IGSF10: variants seen among roughly 807,000 people sequenced by gnomAD.
IGSF10 encodes the protein immunoglobulin superfamily member 10.
A neutral mutation model predicts 128.2 loss-of-function variants in IGSF10; 126 were observed. The ratio of observed to expected loss-of-function variants is 0.98; its 90% CI spans 0.85 to 1.14. The LOEUF (loss-of-function observed/expected upper bound fraction) is 1.14, where lower values mean the gene tolerates loss of function less well. Ranked by LOEUF, IGSF10 falls within the 50% of genes most tolerant of loss-of-function variation. The pLI is 0.00. For synonymous variants in IGSF10, 1,185 were observed against 1,146.2 expected, an observed-to-expected ratio of 1.03 and a Z score of -0.68; for missense variants, 3,295 against 3,149.8, an observed-to-expected ratio of 1.05 and a Z score of -1.10.
the IGSF10 span, among the ~76,000 whole-genome samples, chr3:151,538,103 G>A: frequency 4.6e-5 from 7 of 152,230 alleles, no homozygotes; most frequent in South Asian, 2.1e-4. Context: ...CAAACTTCAC[G>A]TTTAGTTAAG....
rs149524314 is a variant in IGSF10 at position 151,438,471 on chromosome 3, A to G, written c.6090T>C (p.His2030=). 54 of 1,614,016 alleles carry G rather than the reference A, an allele frequency of 3.3e-5. No individual in the cohort carries two copies. The African/African-American group carries it at 5.1e-4, about 15-fold the overall frequency. ...NKMGDDLILM[H]VSLRLKPAKI... ...TGGCAGGTTTCAGTCTTAGGCTAAC[A>G]TGCATCAGTATCAGATCATCCCCCA... Residue 2030 remains histidine (H), a synonymous_variant, in exon 8 of 8, where the codon CAT becomes CAC. Transcript: ENST00000282466.
At chr3:151,582,410 T>C in the IGSF10 span, among the ~76,000 whole-genome samples, 15 of 152,004 alleles carry the variant, frequency 9.9e-5, no homozygotes, top group African/African-American at 3.4e-4. Flanking sequence ...CTTCCAGTGA[T>C]TATTTTCACC....
At chr3:151,512,985 C>A in the IGSF10 span, among the ~76,000 whole-genome samples, 21 of 152,014 alleles carry the variant, frequency 1.4e-4, no homozygotes, top group East Asian at 4.1e-3. Context: ...GCTTACCAAC[C>A]AAAAAAAGTC....
chr3:151,539,476 A>C, the IGSF10 span, among the ~76,000 whole-genome samples: 1 of 152,172 alleles, frequency 6.6e-6, no homozygotes, highest in African/African-American at 2.4e-5. Context: ...GTTTCTACTT[A>C]AGGGTCTTTT....
the IGSF10 span, among the ~76,000 whole-genome samples, chr3:151,512,006 A>T: frequency 6.6e-6 from 1 of 152,262 alleles, no homozygotes; most frequent in South Asian, 2.1e-4. Flanking sequence ...CTCCCACACC[A>T]TAATAACGGG....
At chr3:151,544,415 G>A in the IGSF10 span, among the ~76,000 whole-genome samples, 3 of 152,018 alleles carry the variant, frequency 2.0e-5, no homozygotes, top group South Asian at 6.2e-4. Flanking sequence ...CTTTCTTTTG[G>A]TATAGCAACC....
intron 3 of IGSF10, 33 bp downstream of exon 3, chr3:151,458,483 C>G (rs1398993657): frequency 6.5e-7 from 1 of 1,549,194 alleles, no homozygotes; most frequent in East Asian, 2.3e-5. Context: ...ACTGATCCCT[C>G]TTTGAGAAGA....
the IGSF10 span, among the ~76,000 whole-genome samples, chr3:151,547,387 A>T: frequency 5.4e-5 from 8 of 148,738 alleles, no homozygotes; most frequent in South Asian, 8.6e-4. Flanking sequence ...CTTACTTTTG[A>T]CTCCTCTCCT....
At chr3:151,450,888 T>C (rs1168683703) in intron 5 of IGSF10, among the ~76,000 whole-genome samples, 6 of 90,330 alleles carry the variant, frequency 6.6e-5, no homozygotes, top group African/African-American at 3.2e-4. Flanking sequence ...AGAGCAAAAC[T>C]CTGTCTCAAA....
chr3:151,527,854 G>A, the IGSF10 span, among the ~76,000 whole-genome samples: 1 of 151,836 alleles, frequency 6.6e-6, no homozygotes, highest in African/African-American at 2.4e-5. Context: ...CTAGCAGACT[G>A]AGGTGGCAGG....
At chr3:151,507,206 A>AT in the IGSF10 span, among the ~76,000 whole-genome samples, 5 of 151,992 alleles carry the variant, frequency 3.3e-5, no homozygotes, top group Admixed American at 3.3e-4. Flanking sequence ...GAGGGGTTGG[A>AT]TCCTCCAGGT....
At position 151,438,083 on chromosome 3, in the gene IGSF10, C is replaced by A. The variant is rs141846864; in HGVS notation, c.6478G>T (p.Val2160Phe). The change falls in exon 8 of 8, where the codon GTC becomes TTC. Residue 2160 changes from valine to phenylalanine, a missense_variant. Transcript: ENST00000282466. Reference protein sequence around the residue: ...NKRIKAGDTAVLDCEVTGDPK... With the variant: ...NKRIKAGDTAFLDCEVTGDPK... ...TCCCCAGTGACCTCACAGTCAAGGA[C>A]AGCTGTGTCTCCAGCTTTGATTCTC... The A allele has an allele frequency of 6.2e-7, 1 of 1,614,226 alleles. No individual in the cohort carries two copies. Among genetic ancestry groups the A allele is most frequent in the Non-Finnish European group, 8.5e-7 (1 of 1,180,044 alleles).
At chr3:151,614,031 A>C in the IGSF10 span, among the ~76,000 whole-genome samples, 2 of 152,248 alleles carry the variant, frequency 1.3e-5, no homozygotes, top group Non-Finnish European at 2.9e-5. Context: ...GACACTTCTC[A>C]AAAGAAGACA....
the IGSF10 span, among the ~76,000 whole-genome samples, chr3:151,500,880 T>C: frequency 2.0e-5 from 3 of 152,244 alleles, no homozygotes; most frequent in East Asian, 3.9e-4. Context: ...TATTGTCATT[T>C]ATGTTCATAT....
rs1721111311 is a variant in IGSF10 at position 151,445,239 on chromosome 3, G to C, written c.4742C>G (p.Ser1581Ter). The C allele has an allele frequency of 6.2e-7, 1 of 1,614,082 alleles. No homozygotes were observed. The highest frequency in any genetic ancestry group is 1.3e-5 in the African/African-American group (1 of 74,928). ...AENQFWHKPY[S>*]EIAEKGKKPE... The stretch of plus-strand genomic sequence containing the variant: ...CTTTTTGCCTTTTTCAGCAATTTCT[G>C]AGTATGGTTTGTGCCAAAATTGGTT... The change falls in exon 6 of 8, where the codon TCA (serine) becomes TGA (stop). Residue 1581 changes from serine to a stop codon, truncating the protein, a stop_gained. Coordinates refer to ENST00000282466, the MANE Select transcript of IGSF10 (RefSeq NM_178822.5). LOFTEE classifies it high-confidence loss of function.
chr3:151,604,140 G>C, the IGSF10 span, among the ~76,000 whole-genome samples: 1 of 151,718 alleles, frequency 6.6e-6, no homozygotes, highest in Non-Finnish European at 1.5e-5. Context: ...ATACTTTAAA[G>C]TATAGTAAGT....
chr3:151,441,567 C>A (rs1343634696), intron 7 of IGSF10, among the ~76,000 whole-genome samples: 11 of 152,094 alleles, frequency 7.2e-5, no homozygotes, highest in Non-Finnish European at 1.2e-4. Context: ...AGTACAAATT[C>A]ACATTTACTA....
At chr3:151,612,185 A>G in the IGSF10 span, among the ~76,000 whole-genome samples, 11 of 152,190 alleles carry the variant, frequency 7.2e-5, no homozygotes, top group Non-Finnish European at 1.3e-4. Flanking sequence ...AAGTTCTCAT[A>G]GCATTTCCTT....
Position 151,443,005 on chromosome 3 carries a change from G to A in IGSF10, c.5942C>T (p.Ala1981Val), listed in dbSNP as rs1186960898. The change falls in exon 7 of 8, where the codon GCT becomes GTT. Residue 1981 changes from alanine (A) to valine (V), a missense_variant. Ala to Val is a moderately conservative substitution (Grantham distance 64). Transcript: ENST00000282466. The stretch of plus-strand genomic sequence containing the variant: ...TTACCTATGCTGCTGGTCGACCACA[G>A]CCTTGGATGGTAACCTCCACATTAT... ...PQIMWRLPSK[A>V]VVDQQHRVGS... 1 of 1,613,934 alleles carries A rather than the reference G, an allele frequency of 6.2e-7. No homozygotes were observed. Among genetic ancestry groups the A allele is most frequent in the African/African-American group, 1.3e-5 (1 of 74,928 alleles).
Sources: gnomAD v4.1 joint callset for allele counts (sites outside exome capture counted in the v4.1 genomes callset) on GRCh38, gnomAD v4.1.1 for gene constraint, MANE v1.5 for transcripts, NCBI Gene and HGNC (gene_info 2026-07-23, HGNC 2026-07-21) for gene names.